The following SLC25A24 variants were observed in gnomAD, a reference collection of about 807,000 sequenced individuals.
SLC25A24 encodes the protein mitochondrial adenyl nucleotide antiporter SLC25A24.
Under a neutral mutation model 60.7 loss-of-function variants are expected in SLC25A24, and 49 were observed. That is an observed-to-expected ratio of 0.81 (90% CI 0.64 to 1.02). The LOEUF (loss-of-function observed/expected upper bound fraction) is 1.02. Ranked by LOEUF, SLC25A24 falls within the 50% of genes least tolerant of loss-of-function variation. The pLI, the probability that SLC25A24 is intolerant of heterozygous loss-of-function variation, is 0.00. For synonymous variants in SLC25A24, 202 were observed against 200.6 expected, an observed-to-expected ratio of 1.01 and a Z score of -0.06; for missense variants, 564 against 586.3, an observed-to-expected ratio of 0.96 and a Z score of 0.39.
chr1:108,164,228 A>G (rs1237640346), intron 3 of SLC25A24, among the ~76,000 whole-genome samples: 1 of 151,962 alleles, frequency 6.6e-6, no homozygotes, highest in East Asian at 1.9e-4. Context: ...ATCAATGTTC[A>G]TCAAGGATAT....
intron 8 of SLC25A24, among the ~76,000 whole-genome samples, chr1:108,141,999 TTA>T (rs1308927291): frequency 2.6e-5 from 4 of 152,196 alleles, no homozygotes; most frequent in Admixed American, 6.5e-5. Flanking sequence ...ATCATAAACT[TTA>T]TGTTATGTGT....
intron 3 of SLC25A24, among the ~76,000 whole-genome samples, chr1:108,163,402 C>T (rs1476992560): frequency 4.7e-5 from 7 of 150,238 alleles, no homozygotes; most frequent in Non-Finnish European, 7.4e-5. Flanking sequence ...GCCATTTTCA[C>T]GATACTGATT....
chr1:108,195,007 G>A (rs1273721124), intron 1 of SLC25A24, among the ~76,000 whole-genome samples: 4 of 152,126 alleles, frequency 2.6e-5, no homozygotes, highest in South Asian at 4.1e-4. Flanking sequence ...TATGATCCAC[G>A]TTTCAGAGTT....
intron 3 of SLC25A24, among the ~76,000 whole-genome samples, chr1:108,163,573 C>T (rs1680153637): frequency 6.6e-6 from 1 of 152,106 alleles, no homozygotes; most frequent in Non-Finnish European, 1.5e-5. Context: ...AACGGGAGTT[C>T]ACTCATGATT....
intron 2 of SLC25A24, among the ~76,000 whole-genome samples, chr1:108,185,459 T>C (rs1022019352): frequency 4.6e-5 from 7 of 152,292 alleles, no homozygotes; most frequent in African/African-American, 9.6e-5. Context: ...CATTCTTCTA[T>C]ACAAATAAAA....
intron 1 of SLC25A24, among the ~76,000 whole-genome samples, chr1:108,196,812 AAAG>A (rs34292729): frequency 0.24 from 36,918 of 151,994 alleles, 4,949 homozygotes; most frequent in African/African-American, 0.33. Context: ...CCACAGGAAG[AAAG>A]AAGATGGGGG....
intron 6 of SLC25A24, among the ~76,000 whole-genome samples, chr1:108,149,500 G>A (rs143324763): frequency 1.1e-3 from 173 of 152,232 alleles, no homozygotes; most frequent in Non-Finnish European, 1.8e-3. Flanking sequence ...CTTGTAACAC[G>A]GTTAGTGCAG....
At position 108,139,117 on chromosome 1, in the gene SLC25A24, G is replaced by A. The variant is rs996848783; in HGVS notation, c.1190C>T (p.Thr397Ile). 6.2e-7 allele frequency: 1 copy of A among 1,610,558 alleles called. No homozygotes were observed. Among genetic ancestry groups the A allele is most frequent in the Admixed American group, 1.7e-5 (1 of 59,472 alleles). ...VLLGCGALSS[T>I]CGQLASYPLA... The stretch of plus-strand genomic sequence containing the variant: ...TGGGTAGCTGGCCAGCTGACCACAG[G>A]TGCTGGATAAGGCACCGCATCCCAG... The change falls in exon 9 of 10, where the codon ACC (threonine) becomes ATC (isoleucine). Residue 397 changes from threonine (T) to isoleucine (I), a missense_variant. Physicochemically the swap from Thr to Ile is moderately conservative, Grantham distance 89 (BLOSUM62 -1). Transcript: ENST00000565488.
chr1:108,160,757 G>A (rs141119304), intron 4 of SLC25A24, among the ~76,000 whole-genome samples: 1,598 of 152,330 alleles, frequency 0.01, 25 homozygotes, highest in African/African-American at 0.036. Context: ...AGACCAGCCC[G>A]GCCAACATAG....
chr1:108,196,431 C>T lies in SLC25A24; in HGVS notation c.183+3525G>A, dbSNP rs60519609. The stretch of plus-strand genomic sequence containing the variant: ...GTCCAGGATGCAGGCAAGATATCTG[C>T]ATTTTAAGAATAAGAAAGTAAAGCT... On this transcript the variant is annotated intron_variant, in intron 1 of 9. Coordinates refer to ENST00000565488, the MANE Select transcript of SLC25A24 (RefSeq NM_013386.5). Among the ~76,000 whole-genome samples the T allele has an allele frequency of 7.7e-3, 1,171 of 152,294 alleles. 16 individuals carry two copies. The highest frequency in any genetic ancestry group is 0.026 in the African/African-American group (1,094 of 41,564).
At chr1:108,172,895 A>C (rs1647509304) in intron 3 of SLC25A24, among the ~76,000 whole-genome samples, 1 of 152,138 alleles carries the variant, frequency 6.6e-6, no homozygotes, top group South Asian at 2.1e-4. Context: ...CTTTTACTGA[A>C]GAAGTATAAA....
At chr1:108,151,741 G>A (rs1679762761) in intron 6 of SLC25A24, among the ~76,000 whole-genome samples, 1 of 152,152 alleles carries the variant, frequency 6.6e-6, no homozygotes, top group African/African-American at 2.4e-5. Flanking sequence ...ATGGCTAGCT[G>A]ATATACCCAA....
chr1:108,161,146 G>C (rs750127647), intron 4 of SLC25A24, 36 bp downstream of exon 4: 4 of 1,158,474 alleles, frequency 3.5e-6, no homozygotes, highest in Non-Finnish European at 5.2e-6. Context: ...ATGGTTTATA[G>C]CTCCAAATAA....
At chr1:108,183,859 T>C (rs1171796009) in intron 2 of SLC25A24, among the ~76,000 whole-genome samples, 2 of 152,226 alleles carry the variant, frequency 1.3e-5, no homozygotes, top group East Asian at 3.8e-4. Context: ...GGAATGTACA[T>C]GCTGAGCAAC....
intron 1 of SLC25A24, among the ~76,000 whole-genome samples, chr1:108,196,299 G>A (rs1432251106): frequency 1.3e-5 from 2 of 152,184 alleles, no homozygotes; most frequent in Non-Finnish European, 2.9e-5. Flanking sequence ...CATGGGCACA[G>A]AGGTTCCTCA....
chr1:108,143,724 A>C lies in SLC25A24; in HGVS notation c.931-14T>G. On this transcript the variant is annotated splice_polypyrimidine_tract_variant and intron_variant, in intron 7 of 9. Transcript: ENST00000565488. ...GGTTTTCATAACCTGGATATAAAAA[A>C]AAACAAAATATGATTGTTCATATTA... is the stretch of plus-strand genomic sequence containing the variant. 1 of 1,596,562 alleles carries C rather than the reference A, an allele frequency of 6.3e-7. No homozygotes were observed. The highest frequency in any genetic ancestry group is 2.2e-5 in the East Asian group (1 of 44,802).
chr1:108,157,295 A>G lies in SLC25A24; in HGVS notation c.669+167T>C, dbSNP rs536306121. Reference sequence around the variant, plus strand: ...ACAATTTAAGGTTTGGTACACTGCCATACTTACATGGACTGAATTTAGAGT... The same window carrying G: ...ACAATTTAAGGTTTGGTACACTGCCGTACTTACATGGACTGAATTTAGAGT... On this transcript the variant is annotated intron_variant, in intron 5 of 9. Coordinates refer to ENST00000565488, the MANE Select transcript of SLC25A24 (RefSeq NM_013386.5). Among the ~76,000 whole-genome samples the G allele has an allele frequency of 5.9e-5, 9 of 152,354 alleles. No homozygotes were observed. In the South Asian group the frequency reaches 1.7e-3, roughly 28 times the overall value.
chr1:108,177,629 A>C (rs960472567), intron 3 of SLC25A24, among the ~76,000 whole-genome samples: 1 of 152,216 alleles, frequency 6.6e-6, no homozygotes, highest in Non-Finnish European at 1.5e-5. Context: ...TGTATCATAT[A>C]AAACAAACTT....
chr1:108,157,607 C>T lies in SLC25A24; in HGVS notation c.524G>A (p.Gly175Glu). Residue 175 changes from glycine (G) to glutamate (E), a missense_variant, in exon 5 of 10, where the codon GGG (glycine) becomes GAG (glutamate). Coordinates refer to ENST00000565488, the MANE Select transcript of SLC25A24 (RefSeq NM_013386.5). The stretch of plus-strand genomic sequence containing the variant: ...TTCATCTGGAATAGTTAAGCTATCC[C>T]CTATGTCAATTCCCTGTAAAAATGA... ...FWKHSTGIDIGDSLTIPDEFT... is the reference protein window; with the variant it reads ...FWKHSTGIDIEDSLTIPDEFT... 1 of 1,613,514 alleles carries T rather than the reference C, an allele frequency of 6.2e-7. No individual in the cohort carries two copies. Among genetic ancestry groups the T allele is most frequent in the Non-Finnish European group, 8.5e-7 (1 of 1,179,678 alleles).
Sources: gnomAD v4.1 joint callset for allele counts (sites outside exome capture counted in the v4.1 genomes callset) on GRCh38, gnomAD v4.1.1 for gene constraint, MANE v1.5 for transcripts, NCBI Gene and HGNC (gene_info 2026-07-23, HGNC 2026-07-21) for gene names.